Variants in OXR1 observed in about 807,000 individuals in gnomAD.
The protein encoded by OXR1 is oxidation resistance 1.
In OXR1, 41 loss-of-function variants were observed where a neutral mutation model predicts 104.6. The ratio of observed to expected loss-of-function variants is 0.39; its 90% CI spans 0.31 to 0.51. OXR1 has a LOEUF of 0.51. OXR1 is among the 20% of genes least tolerant of loss of function. The pLI is 0.77. For synonymous variants in OXR1, 348 were observed against 348.4 expected (o/e 1.00, Z 0.01); for missense variants, 955 against 1,031.9 (o/e 0.93, Z 1.02).
intron 3 of OXR1, among the ~76,000 whole-genome samples, chr8:106,628,943 A>G (rs1182442153): frequency 6.6e-6 from 1 of 152,182 alleles, no homozygotes; most frequent in African/African-American, 2.4e-5. Flanking sequence ...CAACTGCTGC[A>G]TTTCTGCTTC....
At chr8:106,381,288 AATG>A (rs1817139392) in intron 2 of OXR1, among the ~76,000 whole-genome samples, 1 of 152,300 alleles carries the variant, frequency 6.6e-6, no homozygotes, top group Admixed American at 6.5e-5. Context: ...GAGGAATGGA[AATG>A]AAGATGGAGA....
Position 106,703,098 on chromosome 8 carries a change from T to A in OXR1, c.860+8T>A. The A allele has an allele frequency of 6.3e-7, 1 of 1,585,574 alleles. No individual in the cohort carries two copies. Among genetic ancestry groups the A allele is most frequent in the Non-Finnish European group, 8.6e-7 (1 of 1,156,326 alleles). ...AAAGGAATCTTTACCCATGTAAGAG[T>A]GATATTTATATTCCTTTGCAACTTT... On this transcript the variant is annotated splice_region_variant and intron_variant, in intron 8 of 16. Transcript: ENST00000517566.
intron 11 of OXR1, among the ~76,000 whole-genome samples, chr8:106,731,325 C>A (rs1469204185): frequency 1.3e-5 from 2 of 152,256 alleles, no homozygotes; most frequent in Non-Finnish European, 2.9e-5. Flanking sequence ...AGTCCTTTAT[C>A]ATTTATATAT....
At chr8:106,637,579 G>T (rs1823249041) in intron 3 of OXR1, among the ~76,000 whole-genome samples, 1 of 152,064 alleles carries the variant, frequency 6.6e-6, no homozygotes, top group African/African-American at 2.4e-5. Context: ...CCAACCTTGG[G>T]GAGGAAAGTC....
intron 15 of OXR1, among the ~76,000 whole-genome samples, chr8:106,743,482 G>A (rs62514968): frequency 0.025 from 3,834 of 152,204 alleles, 52 homozygotes; most frequent in East Asian, 0.039. Flanking sequence ...CACCATGCCT[G>A]GCTAATTTTT....
At chr8:106,568,267 C>T (rs976430819) in intron 3 of OXR1, among the ~76,000 whole-genome samples, 66 of 152,090 alleles carry the variant, frequency 4.3e-4, no homozygotes, top group Non-Finnish European at 8.4e-4. Flanking sequence ...ATGGAGAACA[C>T]GTACCTCATG....
intron 7 of OXR1, chr8:106,697,513 A>G: frequency 2.5e-6 from 4 of 1,610,590 alleles, no homozygotes; most frequent in Non-Finnish European, 3.4e-6. Flanking sequence ...GCCCTCTTGC[A>G]GCTGGTTATC....
At chr8:106,481,366 G>A (rs559435505) in intron 2 of OXR1, among the ~76,000 whole-genome samples, 2 of 152,060 alleles carry the variant, frequency 1.3e-5, no homozygotes, top group East Asian at 3.9e-4. Context: ...ATAAAGAGAG[G>A]CTGACTCTCA....
intron 3 of OXR1, among the ~76,000 whole-genome samples, chr8:106,597,807 C>T (rs915237290): frequency 7.9e-5 from 12 of 152,184 alleles, no homozygotes; most frequent in Admixed American, 5.9e-4. Context: ...AGGCCCTTCA[C>T]GATCTGGCTT....
At chr8:106,569,843 A>G (rs1817348646) in intron 3 of OXR1, among the ~76,000 whole-genome samples, 1 of 152,244 alleles carries the variant, frequency 6.6e-6, no homozygotes. Flanking sequence ...CTTGTGGAAC[A>G]TTTGTAGCTT....
chr8:106,290,672 G>A (rs1463324218), intron 1 of OXR1, among the ~76,000 whole-genome samples: 1 of 151,994 alleles, frequency 6.6e-6, no homozygotes, highest in Non-Finnish European at 1.5e-5. Context: ...ACTTACAAAT[G>A]GCCAACACAC....
intron 2 of OXR1, chr8:106,448,119 TTATAAAATAGCTCTC>T: frequency 6.8e-7 from 1 of 1,460,926 alleles, no homozygotes; most frequent in Non-Finnish European, 9.3e-7. Flanking sequence ...CCTAGTTCCA[TTATAAAATAGCTCTC>T]TGATTTCTGT....
chr8:106,482,778 T>C (rs772456058), intron 2 of OXR1, among the ~76,000 whole-genome samples: 134 of 152,190 alleles, frequency 8.8e-4, no homozygotes, highest in Non-Finnish European at 3.7e-4. Context: ...AAATTAAGTA[T>C]GGACCATCTG....
In OXR1 at chr8:106,339,510, AAAAAAAAAAATATATATAT is replaced by A. The variant is rs1269328700; in HGVS notation, c.-138-19964_-138-19946del. 2.7e-4 allele frequency among the ~76,000 whole-genome samples: 13 copies of A among 48,224 alleles called. No individual in the cohort carries two copies. The East Asian group carries it at 2.8e-3, about 10-fold the overall frequency. The allele number at this position is 48,224 out of a possible 152,430, so 31.6% of individuals were successfully genotyped here. On this transcript the variant is annotated intron_variant, in intron 1 of 16. Transcript: ENST00000517566. ...CTCCATCCAAAAAAAAAAAAAAAAAAAAAAAAAAAATATATATATATATATATATATATATATATATATA... is the reference window on the plus strand; with the variant it reads ...CTCCATCCAAAAAAAAAAAAAAAAAAATATATATATATATATATATATATA...
At chr8:106,314,203 T>C (rs1417313535) in intron 1 of OXR1, among the ~76,000 whole-genome samples, 2 of 152,162 alleles carry the variant, frequency 1.3e-5, no homozygotes, top group African/African-American at 4.8e-5. Context: ...TATGTTATGA[T>C]GTTAGTGTCT....
intron 2 of OXR1, among the ~76,000 whole-genome samples, chr8:106,511,096 T>C (rs1812493152): frequency 6.6e-6 from 1 of 152,234 alleles, no homozygotes; most frequent in African/African-American, 2.4e-5. Context: ...GATTGTTTTC[T>C]TCTTTTAAAG....
intron 2 of OXR1, among the ~76,000 whole-genome samples, chr8:106,500,843 G>A (rs1001690585): frequency 3.9e-5 from 6 of 152,162 alleles, no homozygotes; most frequent in Admixed American, 2.6e-4. Context: ...TCTAAGCACT[G>A]GGGATAAATC....
At position 106,750,996 on chromosome 8, in the gene OXR1, A is replaced by G. The variant is rs1313465622; in HGVS notation, c.*55A>G. 2.6e-5 allele frequency: 37 copies of G among 1,415,142 alleles called. No individual in the cohort carries two copies. Among genetic ancestry groups the G allele is most frequent in the Non-Finnish European group, 3.6e-5 (37 of 1,039,062 alleles). 87.7% of individuals were successfully genotyped at this position (1,415,142 alleles called of 1,614,324 possible). ...TGGCCCAAACCTGACATGGACAAGCATTGTTTGGAAAGTTCAAGAAGCAAT... is the reference window on the plus strand; with the variant it reads ...TGGCCCAAACCTGACATGGACAAGCGTTGTTTGGAAAGTTCAAGAAGCAAT... On this transcript the variant is annotated 3_prime_UTR_variant, in exon 17 of 17. Transcript: ENST00000517566.
Position 106,739,518 on chromosome 8 carries a change from T to C in OXR1, c.2098T>C (p.Ser700Pro), listed in dbSNP as rs777640589. The part of the protein sequence containing the change: ...QVATVKADLE[S>P]ESFRPNLSDP... ...TGCTACAGTGAAAGCAGACCTGGAG[T>C]CTGAATCTTTTCGACCAAACCTAAG... The change falls in exon 13 of 17, where the codon TCT becomes CCT. Residue 700 changes from serine (S) to proline (P), a missense_variant. Physicochemically the swap from Ser to Pro is moderately conservative, Grantham distance 74. Transcript: ENST00000517566. 6.2e-7 allele frequency: 1 copy of C among 1,613,160 alleles called. No homozygotes were observed. Among genetic ancestry groups the C allele is most frequent in the Non-Finnish European group, 8.5e-7 (1 of 1,179,416 alleles).
Sources: gnomAD v4.1 joint callset for allele counts (sites outside exome capture counted in the v4.1 genomes callset) on GRCh38, gnomAD v4.1.1 for gene constraint, MANE v1.5 for transcripts, NCBI Gene and HGNC (gene_info 2026-07-23, HGNC 2026-07-21) for gene names.